ZCRB1: variants seen among roughly 807,000 people sequenced by gnomAD.
The protein encoded by ZCRB1 is zinc finger CCHC-type and RNA-binding motif-containing protein 1.
A neutral mutation model predicts 29.9 loss-of-function variants in ZCRB1; 21 were observed. The ratio of observed to expected loss-of-function variants is 0.70; its 90% CI spans 0.50 to 1.01. The LOEUF is 1.01. Ranked by LOEUF, ZCRB1 falls within the 50% of genes least tolerant of loss-of-function variation. The pLI is 0.00. For synonymous variants in ZCRB1, 77 were observed against 80.0 expected (o/e 0.96, Z 0.20); for missense variants, 204 against 253.3 (o/e 0.81, Z 1.32).
intron 3 of ZCRB1, among the ~76,000 whole-genome samples, chr12:42,318,934 T>C (rs1423394184): frequency 6.6e-6 from 1 of 152,124 alleles, no homozygotes; most frequent in Non-Finnish European, 1.5e-5. Flanking sequence ...TTCTTACTGA[T>C]AAAAGACCAA....
At position 42,317,414 on chromosome 12, in the gene ZCRB1, T is replaced by A. The variant is rs750402117; in HGVS notation, c.259A>T (p.Ile87Phe). 1.2e-6 allele frequency: 2 copies of A among 1,612,290 alleles called. No individual in the cohort carries two copies. Among genetic ancestry groups the A allele is most frequent in the Non-Finnish European group, 8.5e-7 (1 of 1,179,444 alleles). ...FGRVIKASIAIDNGRAAEFIR... is the reference protein window; with the variant it reads ...FGRVIKASIAFDNGRAAEFIR... ...AACTCAGCTGCTCTTCCATTGTCAATAGCAATGCTTGCTTTTATCACTCTA... is the reference window on the plus strand; with the variant it reads ...AACTCAGCTGCTCTTCCATTGTCAAAAGCAATGCTTGCTTTTATCACTCTA... Residue 87 changes from isoleucine to phenylalanine, a missense_variant, in exon 5 of 8, where the codon ATT (isoleucine) becomes TTT (phenylalanine). Ile to Phe is a conservative substitution (Grantham distance 21, BLOSUM62 0). Transcript: ENST00000266529.
intron 5 of ZCRB1, among the ~76,000 whole-genome samples, chr12:42,314,577 C>T (rs184345758): frequency 7.0e-4 from 95 of 135,472 alleles, no homozygotes; most frequent in Admixed American, 4.1e-3. Context: ...AGCAAAACTC[C>T]GTCTCAAAAA....
intron 5 of ZCRB1, among the ~76,000 whole-genome samples, chr12:42,315,910 C>A (rs1489418689): frequency 1.3e-5 from 2 of 152,012 alleles, no homozygotes; most frequent in African/African-American, 4.8e-5. Context: ...TTCATCCATC[C>A]ATCAGTCTGT....
intron 3 of ZCRB1, among the ~76,000 whole-genome samples, chr12:42,322,047 AC>A (rs774119627): frequency 6.6e-5 from 10 of 152,318 alleles, no homozygotes; most frequent in South Asian, 2.1e-4. Flanking sequence ...ATGAAAAAAA[AC>A]AAAACAAAAA....
At position 42,323,862 on chromosome 12, in the gene ZCRB1, A is replaced by G; in HGVS notation, c.84+157T>C. 4.7e-6 allele frequency: 3 copies of G among 640,720 alleles called. 1 individual carries two copies. The highest frequency in any genetic ancestry group is 3.9e-5 in the South Asian group (2 of 51,578). The allele number at this position is 640,720 out of a possible 1,614,324, so 39.7% of individuals were successfully genotyped here. On this transcript the variant is annotated intron_variant, in intron 2 of 7. Transcript: ENST00000266529. The stretch of plus-strand genomic sequence containing the variant: ...GGCGGGGAGGCTGCAGTGAGCCATG[A>G]TAGTGCCACTGCACTACAGCCTCGT...
intron 7 of ZCRB1, 101 bp downstream of exon 7, chr12:42,313,589 G>T: frequency 7.9e-7 from 1 of 1,267,758 alleles, no homozygotes; most frequent in Non-Finnish European, 1.1e-6. Context: ...AGGAGGTTAG[G>T]GGGAAAAAGA....
chr12:42,323,961 C>A, intron 2 of ZCRB1, 58 bp downstream of exon 2: 4 of 1,389,568 alleles, frequency 2.9e-6, no homozygotes, highest in Non-Finnish European at 4.0e-6. Context: ...CCAGGGAGAA[C>A]TATTTGCTTA....
intron 2 of ZCRB1, 62 bp from the exon 3 acceptor site, chr12:42,322,508 G>A (rs2068626701): frequency 7.2e-7 from 1 of 1,393,858 alleles, no homozygotes; most frequent in Non-Finnish European, 9.6e-7. Context: ...AAATTTTTAG[G>A]TTGCAGACAT....
intron 4 of ZCRB1, 23 bp from the exon 5 acceptor site, chr12:42,317,470 T>C (rs771147026): frequency 2.0e-5 from 31 of 1,514,796 alleles, no homozygotes; most frequent in Non-Finnish European, 9.0e-7. Flanking sequence ...AAAATGTAAA[T>C]GTAGAATGTA....
chr12:42,323,990 A>T (rs1416250864), intron 2 of ZCRB1, 29 bp downstream of exon 2: 26 of 1,574,934 alleles, frequency 1.7e-5, no homozygotes, highest in Non-Finnish European at 2.3e-5. Flanking sequence ...TGTATCTCAA[A>T]TAGCAGTCAC....
intron 3 of ZCRB1, among the ~76,000 whole-genome samples, chr12:42,319,505 C>T (rs1355166842): frequency 6.6e-6 from 1 of 152,208 alleles, no homozygotes; most frequent in African/African-American, 2.4e-5. Context: ...CCACTCAATG[C>T]TCCAGTAGCA....
intron 4 of ZCRB1, 65 bp from the exon 5 acceptor site, chr12:42,317,512 C>T (rs939018720): frequency 1.5e-6 from 2 of 1,297,672 alleles, no homozygotes; most frequent in African/African-American, 1.5e-5. Flanking sequence ...ATTATTTAAT[C>T]AATTTTCTCA....
chr12:42,319,507 C>T (rs952620956), intron 3 of ZCRB1, among the ~76,000 whole-genome samples: 1 of 152,190 alleles, frequency 6.6e-6, no homozygotes, highest in African/African-American at 2.4e-5. Context: ...ACTCAATGCT[C>T]CAGTAGCATG....
chr12:42,321,627 G>GT (rs2068621650), intron 3 of ZCRB1, among the ~76,000 whole-genome samples: 1 of 152,154 alleles, frequency 6.6e-6, no homozygotes, highest in African/African-American at 2.4e-5. Context: ...CAAAGTAACT[G>GT]TAAAAGAAGT....
intron 3 of ZCRB1, among the ~76,000 whole-genome samples, chr12:42,319,328 C>T (rs762066099): frequency 2.0e-5 from 3 of 152,052 alleles, no homozygotes; most frequent in Non-Finnish European, 4.4e-5. Flanking sequence ...TAGTCTTCTA[C>T]TTAAGGAATA....
intron 4 of ZCRB1, 98 bp from the exon 5 acceptor site, chr12:42,317,545 T>A: frequency 2.7e-6 from 3 of 1,128,668 alleles, no homozygotes; most frequent in Non-Finnish European, 2.5e-6. Flanking sequence ...CAGTTTATTT[T>A]GGATTTTTTA....
At chr12:42,320,444 CTTTT>C (rs1419648105) in intron 3 of ZCRB1, among the ~76,000 whole-genome samples, 1 of 152,008 alleles carries the variant, frequency 6.6e-6, no homozygotes, top group Admixed American at 6.6e-5. Context: ...ACTGCATTTG[CTTTT>C]TTCTTTTTTT....
intron 1 of ZCRB1, among the ~76,000 whole-genome samples, chr12:42,324,373 C>T (rs888189594): frequency 6.6e-6 from 1 of 152,162 alleles, no homozygotes; most frequent in South Asian, 2.1e-4. Context: ...GTCTTGAACT[C>T]CTGACCTCAA....
chr12:42,319,642 A>G (rs192507979), intron 3 of ZCRB1, among the ~76,000 whole-genome samples: 97 of 152,296 alleles, frequency 6.4e-4, no homozygotes, highest in African/African-American at 2.2e-3. Context: ...AGTTTCTAAT[A>G]GCTTCAACTG....
Sources: gnomAD v4.1 joint callset for allele counts (sites outside exome capture counted in the v4.1 genomes callset) on GRCh38, gnomAD v4.1.1 for gene constraint, MANE v1.5 for transcripts, NCBI Gene and HGNC (gene_info 2026-07-23, HGNC 2026-07-21) for gene names.